The following VPS13B variants were observed in gnomAD, a reference collection of about 807,000 sequenced individuals.
VPS13B encodes vacuolar protein sorting 13 homolog B, also known as intermembrane lipid transfer protein VPS13B.
VPS13B carries 285 observed loss-of-function variants against 426.4 expected under a neutral mutation model. The ratio of observed to expected loss-of-function variants is 0.67; its 90% CI spans 0.61 to 0.74. VPS13B has a LOEUF of 0.74. Among genes scored for constraint, VPS13B ranks in the 30% least tolerant of loss-of-function variants. VPS13B has a pLI of 0.00. For missense variants in VPS13B, 4,537 were observed against 4,782.6 expected (o/e 0.95, Z 1.51); for synonymous variants, 1,676 against 1,676.4 (o/e 1.00, Z 0.01).
chr8:99,332,568 T>A (rs1810601900), intron 19 of VPS13B, among the ~76,000 whole-genome samples: 1 of 151,656 alleles, frequency 6.6e-6, no homozygotes, highest in Non-Finnish European at 1.5e-5. Flanking sequence ...GGTGATTTAC[T>A]TGTAAAGTAA....
intron 43 of VPS13B, among the ~76,000 whole-genome samples, chr8:99,792,830 T>C (rs1484152615): frequency 6.6e-6 from 1 of 152,122 alleles, no homozygotes; most frequent in African/African-American, 2.4e-5. Context: ...CATGGACTCT[T>C]GACCAACAGT....
chr8:99,147,088 G>A (rs994274261), intron 13 of VPS13B, among the ~76,000 whole-genome samples: 1 of 151,854 alleles, frequency 6.6e-6, no homozygotes, highest in Non-Finnish European at 1.5e-5. Flanking sequence ...GGGGGAACAA[G>A]ACTATAAAGG....
At chr8:99,721,197 C>T (rs754501448) in intron 39 of VPS13B, 150 bp downstream of exon 39, 4 of 811,036 alleles carry the variant, frequency 4.9e-6, no homozygotes, top group Non-Finnish European at 8.0e-6. Flanking sequence ...TGTATCCACA[C>T]ACATATATAA....
chr8:99,515,505 A>G (rs922867297), intron 29 of VPS13B, among the ~76,000 whole-genome samples: 2 of 151,990 alleles, frequency 1.3e-5, no homozygotes, highest in Admixed American at 1.3e-4. Flanking sequence ...TTCAGAATTC[A>G]GGTGCCTAGG....
intron 33 of VPS13B, among the ~76,000 whole-genome samples, chr8:99,624,164 T>C (rs1828497591): frequency 6.6e-6 from 1 of 151,810 alleles, no homozygotes; most frequent in African/African-American, 2.4e-5. Flanking sequence ...TGGTAGCCAG[T>C]ATAGGTTTGA....
intron 22 of VPS13B, among the ~76,000 whole-genome samples, chr8:99,434,727 TG>T (rs1289869325): frequency 6.6e-6 from 1 of 152,186 alleles, no homozygotes; most frequent in East Asian, 1.9e-4. Context: ...AAGAGAAGAA[TG>T]GGGGGAAGAA....
chr8:99,259,905 G>T (rs189411376), intron 17 of VPS13B, among the ~76,000 whole-genome samples: 1 of 152,066 alleles, frequency 6.6e-6, no homozygotes, highest in East Asian at 1.9e-4. Context: ...AGCAGAAACC[G>T]CCAGTGGCCA....
intron 17 of VPS13B, among the ~76,000 whole-genome samples, chr8:99,261,331 T>C (rs942682801): frequency 3.9e-5 from 6 of 152,168 alleles, no homozygotes; most frequent in Non-Finnish European, 7.4e-5. Flanking sequence ...TTTTACTGTT[T>C]CTGTAGTTTT....
chr8:99,384,051 C>A (rs1007033662), intron 19 of VPS13B, among the ~76,000 whole-genome samples, 157 bp from the exon 20 acceptor site: 1 of 152,162 alleles, frequency 6.6e-6, no homozygotes, highest in Non-Finnish European at 1.5e-5. Flanking sequence ...TACATTCCTA[C>A]CAGCAATGTA....
intron 17 of VPS13B, among the ~76,000 whole-genome samples, chr8:99,215,950 T>G (rs747553831): frequency 2.6e-5 from 4 of 152,190 alleles, no homozygotes; most frequent in Non-Finnish European, 5.9e-5. Flanking sequence ...TATATTGTCT[T>G]TTTTGTAGTG....
intron 17 of VPS13B, among the ~76,000 whole-genome samples, chr8:99,237,654 G>A (rs1297201273): frequency 2.6e-5 from 4 of 152,110 alleles, no homozygotes; most frequent in Non-Finnish European, 5.9e-5. Context: ...GGAGGTGATG[G>A]TGAGGGATAA....
chr8:99,206,572 A>G (rs746132655), intron 17 of VPS13B, among the ~76,000 whole-genome samples: 6 of 152,152 alleles, frequency 3.9e-5, no homozygotes, highest in Non-Finnish European at 8.8e-5. Flanking sequence ...TAACTGCCAA[A>G]CTATTAAATA....
intron 44 of VPS13B, among the ~76,000 whole-genome samples, chr8:99,811,888 C>T (rs1479512355): frequency 2.0e-5 from 3 of 152,120 alleles, no homozygotes; most frequent in African/African-American, 7.2e-5. Flanking sequence ...GCCCTCCTGC[C>T]ATAGCCCTAT....
intron 51 of VPS13B, among the ~76,000 whole-genome samples, chr8:99,832,076 A>G (rs937604779): frequency 1.3e-5 from 2 of 152,110 alleles, no homozygotes; most frequent in African/African-American, 4.8e-5. Context: ...GCCTTGGCCA[A>G]CATAGCGAAA....
At chr8:99,610,506 A>ATGTTCTCAGTCATAAGTGGG (rs1827797337) in intron 33 of VPS13B, among the ~76,000 whole-genome samples, 1 of 151,296 alleles carries the variant, frequency 6.6e-6, no homozygotes, top group Non-Finnish European at 1.5e-5. Context: ...CAGACACTGC[A>ATGTTCTCAGTCATAAGTGGG]TGTTCTCAGT....
At chr8:99,283,546 C>A (rs1316374774) in intron 19 of VPS13B, among the ~76,000 whole-genome samples, 2 of 152,112 alleles carry the variant, frequency 1.3e-5, no homozygotes, top group East Asian at 1.9e-4. Flanking sequence ...AGTTTAGGCT[C>A]TGTTATTGGA....
intron 17 of VPS13B, among the ~76,000 whole-genome samples, chr8:99,249,700 G>C (rs1817404259): frequency 6.6e-6 from 1 of 152,168 alleles, no homozygotes. Context: ...TGGGATTACA[G>C]ATGTGAGCCA....
intron 33 of VPS13B, among the ~76,000 whole-genome samples, chr8:99,623,735 A>G (rs959903815): frequency 3.3e-5 from 5 of 152,236 alleles, no homozygotes; most frequent in Non-Finnish European, 7.4e-5. Context: ...GGTATATTCA[A>G]TCACTTCTTG....
intron 25 of VPS13B, among the ~76,000 whole-genome samples, chr8:99,492,133 T>G (rs912611928): frequency 2.6e-5 from 4 of 152,162 alleles, no homozygotes; most frequent in Non-Finnish European, 5.9e-5. Flanking sequence ...CAGCTGCAGG[T>G]CTGTTGGAAT....
Sources: allele counts gnomAD v4.1 joint callset (sites outside exome capture counted in the v4.1 genomes callset), GRCh38; gene constraint gnomAD v4.1.1; transcripts MANE v1.5; gene names NCBI Gene and HGNC (gene_info 2026-07-23, HGNC 2026-07-21).